GLT1D1: variants seen among roughly 807,000 people sequenced by gnomAD.
The protein encoded by GLT1D1 is glycosyltransferase 1 domain containing 1, also known as glycosyltransferase 1 domain-containing protein 1.
GLT1D1 carries 21 observed loss-of-function variants against 28.7 expected under a neutral mutation model. That is an observed-to-expected ratio of 0.73 (90% CI 0.52 to 1.05). GLT1D1 has a LOEUF of 1.05. GLT1D1 is among the 50% of genes least tolerant of loss of function. The pLI is 0.00. For synonymous variants in GLT1D1, 147 were observed against 124.8 expected, an observed-to-expected ratio of 1.18 and a Z score of -1.19; for missense variants, 343 against 330.6, an observed-to-expected ratio of 1.04 and a Z score of -0.29.
chr12:128,866,043 A>T (rs1015187249), intron 1 of GLT1D1, among the ~76,000 whole-genome samples: 1 of 150,946 alleles, frequency 6.6e-6, no homozygotes, highest in South Asian at 2.1e-4. Flanking sequence ...TTTGTTATCC[A>T]CAGATTCCCA....
chr12:128,942,280 T>C (rs969187192), intron 4 of GLT1D1, among the ~76,000 whole-genome samples: 1 of 152,150 alleles, frequency 6.6e-6, no homozygotes, highest in Admixed American at 6.6e-5. Context: ...CTAGTGATAA[T>C]CCACAAGTTT....
chr12:128,922,282 A>G (rs1237095533), intron 4 of GLT1D1, among the ~76,000 whole-genome samples: 1 of 152,086 alleles, frequency 6.6e-6, no homozygotes, highest in Admixed American at 6.6e-5. Flanking sequence ...TACAGGTATT[A>G]TATTTCCTTT....
At chr12:128,931,468 C>A (rs533332633) in intron 4 of GLT1D1, among the ~76,000 whole-genome samples, 1 of 151,482 alleles carries the variant, frequency 6.6e-6, no homozygotes. Flanking sequence ...CCACTACGTC[C>A]GGCAAATTTT....
Position 128,901,669 on chromosome 12 carries a change from T to TCA in GLT1D1, c.375+2382_375+2383insCA, listed in dbSNP as rs879282130. On this transcript the variant is annotated intron_variant, in intron 4 of 7. Transcript: ENST00000281703. The stretch of plus-strand genomic sequence containing the variant: ...CCAGGCTGGTCTCGAACTCCCGACC[T>TCA]TGTGATCCACCCACCTTGGCCTCCC... 4.3e-3 allele frequency among the ~76,000 whole-genome samples: 647 copies of TCA among 149,110 alleles called. 2 individuals are homozygous for TCA. The highest frequency in any genetic ancestry group is 0.013 in the African/African-American group (500 of 39,684).
intron 4 of GLT1D1, among the ~76,000 whole-genome samples, chr12:128,916,885 C>T (rs531772453): frequency 2.9e-4 from 44 of 152,246 alleles, no homozygotes; most frequent in African/African-American, 1.0e-3. Context: ...ATGGTTAGTG[C>T]TTTTGAGTCC....
intron 7 of GLT1D1, among the ~76,000 whole-genome samples, chr12:128,977,765 CTTTTTT>C (rs1879906332): frequency 7.1e-6 from 1 of 141,376 alleles, no homozygotes; most frequent in South Asian, 2.2e-4. Context: ...GAGTTCTTTT[CTTTTTT>C]CTTTTTTCTT....
At chr12:128,857,948 C>G (rs1354302022) in intron 1 of GLT1D1, among the ~76,000 whole-genome samples, 1 of 152,162 alleles carries the variant, frequency 6.6e-6, no homozygotes, top group Non-Finnish European at 1.5e-5. Context: ...TCAGGGAAAG[C>G]CTTCTCGTGC....
At chr12:128,856,193 G>A (rs1870094631) in intron 1 of GLT1D1, among the ~76,000 whole-genome samples, 1 of 152,210 alleles carries the variant, frequency 6.6e-6, no homozygotes, top group South Asian at 2.1e-4. Flanking sequence ...CGATGGGAGT[G>A]TAGCAGTGAG....
At position 128,853,569 on chromosome 12, in the gene GLT1D1, C is replaced by A; in HGVS notation, c.-13C>A. ...CGGCGGGGCCGGTCGATGGCCCGGG[C>A]GGCGGCGGCGGCATGCGGCTCCTGT... is the stretch of plus-strand genomic sequence containing the variant. On this transcript the variant is annotated 5_prime_UTR_variant, in exon 1 of 8. Coordinates refer to ENST00000281703, the MANE Select transcript of GLT1D1 (RefSeq NM_144669.3). 1 of 1,091,704 alleles carries A rather than the reference C, an allele frequency of 9.2e-7. No individual in the cohort carries two copies. Among genetic ancestry groups the A allele is most frequent in the South Asian group, 3.3e-5 (1 of 30,520 alleles). 67.6% of individuals were successfully genotyped at this position (1,091,704 alleles called of 1,614,324 possible).
intron 7 of GLT1D1, among the ~76,000 whole-genome samples, chr12:128,973,956 G>GA (rs1461739763): frequency 5.4e-5 from 8 of 147,680 alleles, no homozygotes; most frequent in Non-Finnish European, 1.2e-4. Flanking sequence ...TGTGTGGGGG[G>GA]GGCGCTTGGT....
chr12:128,893,867 G>A (rs760629238), intron 3 of GLT1D1, among the ~76,000 whole-genome samples: 5 of 152,136 alleles, frequency 3.3e-5, no homozygotes, highest in Non-Finnish European at 7.4e-5. Context: ...TTACAGGTGT[G>A]AGCCATCACG....
chr12:128,977,829 G>T (rs960506867), intron 7 of GLT1D1, among the ~76,000 whole-genome samples: 5 of 149,140 alleles, frequency 3.4e-5, no homozygotes, highest in Non-Finnish European at 7.4e-5. Flanking sequence ...CCCAGGCTGG[G>T]GTGCAATGAA....
chr12:128,874,435 G>A (rs942486262), intron 1 of GLT1D1, among the ~76,000 whole-genome samples: 2 of 149,010 alleles, frequency 1.3e-5, no homozygotes, highest in African/African-American at 4.9e-5. Flanking sequence ...GCCTGCCTCA[G>A]CCTCCCAGAG....
At chr12:128,973,659 C>T (rs1339640778) in intron 7 of GLT1D1, among the ~76,000 whole-genome samples, 1 of 152,098 alleles carries the variant, frequency 6.6e-6, no homozygotes, top group Non-Finnish European at 1.5e-5. Context: ...CCTCCCTTTT[C>T]TGCCTCTCAC....
intron 4 of GLT1D1, among the ~76,000 whole-genome samples, chr12:128,931,920 C>CGCACA (rs60673483): frequency 9.2e-6 from 1 of 108,726 alleles, no homozygotes; most frequent in African/African-American, 3.1e-5. Flanking sequence ...CACGCACGCA[C>CGCACA]ACACACACAC....
At chr12:128,891,431 A>G (rs1391255795) in intron 3 of GLT1D1, among the ~76,000 whole-genome samples, 1 of 152,230 alleles carries the variant, frequency 6.6e-6, no homozygotes, top group Non-Finnish European at 1.5e-5. Context: ...TTGGTCCAAC[A>G]AGTACTGCCT....
intron 4 of GLT1D1, among the ~76,000 whole-genome samples, chr12:128,922,162 CTGTGTGTGTGTGTGTG>C (rs57835879): frequency 6.7e-6 from 1 of 148,798 alleles, no homozygotes; most frequent in South Asian, 2.2e-4. Context: ...TATGTAAACT[CTGTGTGTGTGTGTGTG>C]TGTGTGTGTG....
chr12:128,971,980 G>C (rs1011236193), intron 7 of GLT1D1, among the ~76,000 whole-genome samples: 1 of 142,832 alleles, frequency 7.0e-6, no homozygotes, highest in Non-Finnish European at 1.6e-5. Flanking sequence ...CACTTTATAC[G>C]GGAGAATGGT....
chr12:128,928,424 C>T (rs1248154236), intron 4 of GLT1D1, among the ~76,000 whole-genome samples: 5 of 152,128 alleles, frequency 3.3e-5, no homozygotes, highest in South Asian at 2.1e-4. Context: ...GGACCAAACA[C>T]GTGCTGTGTT....
Sources: allele counts gnomAD v4.1 joint callset (sites outside exome capture counted in the v4.1 genomes callset), GRCh38; gene constraint gnomAD v4.1.1; transcripts MANE v1.5; gene names NCBI Gene and HGNC (gene_info 2026-07-23, HGNC 2026-07-21).